EEF2: variants seen among roughly 807,000 people sequenced by gnomAD.
EEF2 encodes elongation factor 2.
Under a neutral mutation model 85.3 loss-of-function variants are expected in EEF2, and 21 were observed. The observed-to-expected ratio is 0.25, with a 90% CI of 0.17 to 0.35. EEF2 has a LOEUF of 0.35. Ranked by LOEUF, EEF2 falls within the 10% of genes least tolerant of loss-of-function variation. The pLI, the probability that EEF2 is intolerant of heterozygous loss-of-function variation, is 1.00. For synonymous variants in EEF2, 723 were observed against 508.8 expected, an observed-to-expected ratio of 1.42 and a Z score of -5.67; for missense variants, 825 against 1,225.3, an observed-to-expected ratio of 0.67 and a Z score of 4.88.
rs898745314 is a variant in EEF2 at position 3,978,232 on chromosome 19, C to T, written c.1714-60G>A. 33 of 1,382,660 alleles carry T rather than the reference C, an allele frequency of 2.4e-5. No homozygotes were observed. In the Middle Eastern group the frequency reaches 9.2e-4, roughly 39 times the overall value. The allele number at this position is 1,382,660 out of a possible 1,614,324, so 85.6% of individuals were successfully genotyped here. A position where few individuals can be genotyped will look rare whatever the true frequency, so the allele number is the denominator to read the frequency against. ...AGAAAGAGGTGACCTTACACACAGA[C>T]GCATCCTTAAAAGCTTTTCCTAGCA... On this transcript the variant is annotated intron_variant, in intron 11 of 14. Coordinates refer to ENST00000309311, the MANE Select transcript of EEF2 (RefSeq NM_001961.4).
At chr19:3,979,583 G>A (rs1568200004) in intron 10 of EEF2, 147 bp from the exon 11 acceptor site, 12 of 919,088 alleles carry the variant, frequency 1.3e-5, no homozygotes, top group Admixed American at 2.6e-5. Context: ...AACTCCTGAA[G>A]AAATGTTAAG....
chr19:3,979,637 G>A (rs183522295), intron 10 of EEF2, among the ~76,000 whole-genome samples, 171 bp downstream of exon 10: 2 of 152,350 alleles, frequency 1.3e-5, no homozygotes, highest in Admixed American at 6.5e-5. Flanking sequence ...CCTAGGAGAG[G>A]GTGGTGGCTG....
intron 1 of EEF2, 184 bp downstream of exon 1, chr19:3,985,194 G>A (rs377085167): frequency 1.9e-4 from 112 of 600,914 alleles, no homozygotes; most frequent in African/African-American, 1.8e-3. Context: ...ACGGAGAAAG[G>A]GCTCGGTGAA....
rs776567094 is a variant in EEF2, at chr19:3,985,428, G to A, written c.-48C>T. The stretch of plus-strand genomic sequence containing the variant: ...TCCCAGGTAGAACCGAAAGAAGCGA[G>A]TCGCGCCGAGGATGGCGGCGACGAC... On this transcript the variant is annotated 5_prime_UTR_variant, in exon 1 of 15. Coordinates refer to ENST00000309311, the MANE Select transcript of EEF2 (RefSeq NM_001961.4). The A allele has an allele frequency of 2.2e-5, 33 of 1,467,320 alleles. 1 individual carries two copies. Among genetic ancestry groups the A allele is most frequent in the Middle Eastern group, 3.6e-4 (2 of 5,606 alleles). The allele number at this position is 1,467,320 out of a possible 1,614,324, so 90.9% of individuals were successfully genotyped here.
chr19:3,981,222 G>A (rs553575359), intron 7 of EEF2, 117 bp downstream of exon 7: 6 of 1,138,592 alleles, frequency 5.3e-6, no homozygotes, highest in South Asian at 2.7e-5. Context: ...TAAAGCGAAA[G>A]GGGCAGCAGC....
In EEF2 at chr19:3,985,424, G is replaced by A. The variant is rs373344045; in HGVS notation, c.-44C>T. 309 of 1,473,758 alleles carry A rather than the reference G, an allele frequency of 2.1e-4. No homozygotes were observed. Among genetic ancestry groups the A allele is most frequent in the Non-Finnish European group, 2.6e-4 (289 of 1,105,368 alleles). The allele number at this position is 1,473,758 out of a possible 1,614,324, so 91.3% of individuals were successfully genotyped here. On this transcript the variant is annotated 5_prime_UTR_variant, in exon 1 of 15. Transcript: ENST00000309311. ...ATTCTCCCAGGTAGAACCGAAAGAA[G>A]CGAGTCGCGCCGAGGATGGCGGCGA... is the stretch of plus-strand genomic sequence containing the variant.
In EEF2 at chr19:3,976,313, G is replaced by A. The variant is rs541048108; in HGVS notation, c.*241C>T. ...TGTCCCATCCCGCCTCCCCCTCCCC[G>A]ACCGGCCCATTAAGTCCCTACTAAG... On this transcript the variant is annotated 3_prime_UTR_variant, in exon 15 of 15. Transcript: ENST00000309311. 3.2e-4 allele frequency: 63 copies of A among 196,546 alleles called. No homozygotes were observed. The highest frequency in any genetic ancestry group is 1.4e-3 in the African/African-American group (55 of 39,032). 12.2% of individuals were successfully genotyped at this position (196,546 alleles called of 1,614,324 possible).
Position 3,977,466 on chromosome 19 carries a change from G to C in EEF2, c.2212C>G (p.Pro738Ala). The C allele has an allele frequency of 6.3e-7, 1 of 1,582,456 alleles. No homozygotes were observed. The highest frequency in any genetic ancestry group is 1.1e-5 in the South Asian group (1 of 87,808). Residue 738 changes from proline (P) to alanine (A), a missense_variant, in exon 13 of 15, where the codon CCA becomes GCA. Coordinates refer to ENST00000309311, the MANE Select transcript of EEF2 (RefSeq NM_001961.4). The surrounding 1 kb of genome is among the most constrained non-coding windows in gnomAD (Gnocchi z 5.4). ...AGGTAGATGGGCTCCATGAGGCGTG[G>C]CTGGGCGGTCAGCACACTGGCATAG... The part of the protein sequence containing the change: ...CLYASVLTAQ[P>A]RLMEPIYLVE...
In EEF2 at chr19:3,976,891, GGGCCTAGCA is replaced by G. The variant is rs2039685864; in HGVS notation, c.2384-153_2384-145del. 6 of 1,042,032 alleles carry G rather than the reference GGGCCTAGCA, an allele frequency of 5.8e-6. No individual in the cohort carries two copies. The East Asian group carries it at 1.6e-4, about 27-fold the overall frequency. The allele number at this position is 1,042,032 out of a possible 1,614,324, so 64.5% of individuals were successfully genotyped here. On this transcript the variant is annotated intron_variant, in intron 14 of 14. Transcript: ENST00000309311. ...GGCCTGGTGCCCAGCACTTCACGAA[GGGCCTAGCA>G]GGCCACTCATGGGCCTCATGCCGCT...
chr19:3,984,062 C>A, intron 2 of EEF2, 74 bp downstream of exon 2: 1 of 1,534,986 alleles, frequency 6.5e-7, no homozygotes, highest in Non-Finnish European at 9.0e-7. Flanking sequence ...TCTCCCCGCG[C>A]ACCCTGGCCC....
intron 11 of EEF2, among the ~76,000 whole-genome samples, chr19:3,978,633 G>A (rs1307249650): frequency 2.0e-5 from 3 of 149,316 alleles, no homozygotes; most frequent in South Asian, 2.1e-4. Context: ...GTGAAACCCC[G>A]TCTCTACTAA....
intron 4 of EEF2, 76 bp from the exon 5 acceptor site, chr19:3,982,500 G>A (rs369305937): frequency 2.2e-5 from 35 of 1,571,596 alleles, no homozygotes; most frequent in African/African-American, 2.0e-4. Context: ...GGCGCCTTGG[G>A]CATGGGCCTC....
chr19:3,985,440 A>T lies in EEF2; in HGVS notation c.-60T>A, dbSNP rs1461282993. 6 of 1,448,990 alleles carry T rather than the reference A, an allele frequency of 4.1e-6. No homozygotes were observed. The highest frequency in any genetic ancestry group is 5.5e-6 in the Non-Finnish European group (6 of 1,095,040). The allele number at this position is 1,448,990 out of a possible 1,614,324, so 89.8% of individuals were successfully genotyped here. On this transcript the variant is annotated 5_prime_UTR_variant, in exon 1 of 15. Coordinates refer to ENST00000309311, the MANE Select transcript of EEF2 (RefSeq NM_001961.4). Reference sequence around the variant, plus strand: ...CCGAAAGAAGCGAGTCGCGCCGAGGATGGCGGCGACGACGGCGGAAGAGAA... The same window carrying T: ...CCGAAAGAAGCGAGTCGCGCCGAGGTTGGCGGCGACGACGGCGGAAGAGAA...
intron 9 of EEF2, 50 bp from the exon 10 acceptor site, chr19:3,980,116 C>A: frequency 3.2e-6 from 5 of 1,581,078 alleles, no homozygotes; most frequent in Non-Finnish European, 4.3e-6. Flanking sequence ...TTGTGCTGGA[C>A]CCTGGAGGGC....
rs367808567 is a variant in EEF2, at chr19:3,982,028, C to T, written c.816G>A (p.Lys272=). The change falls in exon 6 of 15, where the codon AAG becomes AAA. Residue 272 remains lysine, a synonymous_variant. Transcript: ENST00000309311. ...GDRYFDPANG[K]FSKSATSPEG... Reference sequence around the variant, plus strand: ...CGGGGCTGGTGGCTGACTTGCTGAACTTGCCGTTGGCTGGGTCAAAGTACC... The same window carrying T: ...CGGGGCTGGTGGCTGACTTGCTGAATTTGCCGTTGGCTGGGTCAAAGTACC... 8.1e-6 allele frequency: 13 copies of T among 1,614,058 alleles called. No individual in the cohort carries two copies. In the East Asian group the frequency reaches 1.6e-4, roughly 19 times the overall value.
At chr19:3,980,137 C>G (rs2039727165) in intron 9 of EEF2, 71 bp from the exon 10 acceptor site, 1 of 1,551,630 alleles carries the variant, frequency 6.4e-7, no homozygotes, top group Non-Finnish European at 8.7e-7. Context: ...CAGGGCAGGT[C>G]CCTCCCGGAG....
In EEF2 at chr19:3,977,084, T is replaced by TG; in HGVS notation, c.2383+130dup. Reference sequence around the variant, plus strand: ...AGGGGGTCCACAAGCTGTCAGAAACTGGACCACCTGCTCCATCCATCACCT... The same window carrying TG: ...AGGGGGTCCACAAGCTGTCAGAAACTGGGACCACCTGCTCCATCCATCACCT... On this transcript the variant is annotated intron_variant, in intron 14 of 14. Transcript: ENST00000309311. This position sits in a 1 kb window ranked among gnomAD's most constrained non-coding sequence, Gnocchi z 5.4. 7.4e-7 allele frequency: 1 copy of TG among 1,357,246 alleles called. No homozygotes were observed. The highest frequency in any genetic ancestry group is 2.4e-5 in the East Asian group (1 of 41,394). 84.1% of individuals were successfully genotyped at this position (1,357,246 alleles called of 1,614,324 possible).
Position 3,981,965 on chromosome 19 carries a change from G to C in EEF2, c.879C>G (p.Ile293Met). ...CACTCACCTTGAAGATGGGGTCCAG[G>C]ATCAGCTGGCAGAAGGTGCGTGGCA... ...KKLPRTFCQL[I>M]LDPIFKVFDA... The change falls in exon 6 of 15, where the codon ATC (isoleucine) becomes ATG (methionine). Residue 293 changes from isoleucine to methionine, a missense_variant. Coordinates refer to ENST00000309311, the MANE Select transcript of EEF2 (RefSeq NM_001961.4). 6.2e-7 allele frequency: 1 copy of C among 1,614,134 alleles called. No individual in the cohort carries two copies. The highest frequency in any genetic ancestry group is 8.5e-7 in the Non-Finnish European group (1 of 1,179,994).
rs2039680596 is a variant in EEF2, at chr19:3,976,436, CCT to C, written c.*116_*117del. Reference sequence around the variant, plus strand: ...GATGGCACGCAGCGGGCCCCAGAAACCTCTCAGGGGAGCGTCGCTGTGTCGGG... The same window carrying C: ...GATGGCACGCAGCGGGCCCCAGAAACCTCAGGGGAGCGTCGCTGTGTCGGG... On this transcript the variant is annotated 3_prime_UTR_variant, in exon 15 of 15. Coordinates refer to ENST00000309311, the MANE Select transcript of EEF2 (RefSeq NM_001961.4). The C allele has an allele frequency of 8.4e-7, 1 of 1,196,290 alleles. No homozygotes were observed. Among genetic ancestry groups the C allele is most frequent in the Non-Finnish European group, 1.2e-6 (1 of 862,586 alleles). The allele number at this position is 1,196,290 out of a possible 1,614,324, so 74.1% of individuals were successfully genotyped here. A position where few individuals can be genotyped will look rare whatever the true frequency, so the allele number is the denominator to read the frequency against.
Sources: allele counts gnomAD v4.1 joint callset (sites outside exome capture counted in the v4.1 genomes callset), GRCh38; gene constraint gnomAD v4.1.1; non-coding constraint Gnocchi (gnomAD v3.1); transcripts MANE v1.5; gene names NCBI Gene and HGNC (gene_info 2026-07-23, HGNC 2026-07-21).